Variants in ADCY5 observed in about 807,000 individuals in gnomAD.
ADCY5 encodes the protein adenylate cyclase type 5.
Under a neutral mutation model 119.7 loss-of-function variants are expected in ADCY5, and 30 were observed. The ratio of observed to expected loss-of-function variants is 0.25; its 90% CI spans 0.19 to 0.34. ADCY5 has a LOEUF of 0.34. ADCY5 is among the 10% of genes least tolerant of loss of function. ADCY5 has a pLI of 1.00. For missense variants in ADCY5, 1,324 were observed against 1,775.2 expected (o/e 0.75, Z 4.57); for synonymous variants, 753 against 762.2 (o/e 0.99, Z 0.20).
At chr3:123,372,555 C>T (rs1004295384) in intron 1 of ADCY5, among the ~76,000 whole-genome samples, 11 of 152,166 alleles carry the variant, frequency 7.2e-5, no homozygotes, top group Admixed American at 1.3e-4. Flanking sequence ...GCCCACGACA[C>T]CAGATGCTAT....
Position 123,319,804 on chromosome 3 carries a change from C to T in ADCY5, c.2126G>A (p.Ser709Asn), listed in dbSNP as rs373723924. Residue 709 changes from serine to asparagine, a missense_variant, in exon 10 of 21, where the codon AGT (serine) becomes AAT (asparagine). This residue lies in a region of ADCY5 where 424 missense variants were observed against 546.8 expected (regional missense o/e 0.78). Coordinates refer to ENST00000462833, the MANE Select transcript of ADCY5 (RefSeq NM_183357.3). The part of the protein sequence containing the change: ...EDPKDKNAQE[S>N]ANPEDEVDEF... ...ATCCACTTCATCCTCAGGGTTCGCA[C>T]TCTCCTGGGCGTTCCTGGGGAGCAG... 5 of 1,613,942 alleles carry T rather than the reference C, an allele frequency of 3.1e-6. No individual in the cohort carries two copies. Among genetic ancestry groups the T allele is most frequent in the Non-Finnish European group, 4.2e-6 (5 of 1,179,898 alleles).
At chr3:123,414,245 A>ACACTCATCTC (rs1945132038) in intron 1 of ADCY5, among the ~76,000 whole-genome samples, 1 of 152,092 alleles carries the variant, frequency 6.6e-6, no homozygotes, top group Non-Finnish European at 1.5e-5. Context: ...CAGCCCCTCT[A>ACACTCATCTC]CACTCATCTC....
intron 1 of ADCY5, among the ~76,000 whole-genome samples, chr3:123,436,082 G>A: frequency 6.6e-6 from 1 of 151,260 alleles, no homozygotes; most frequent in Non-Finnish European, 1.5e-5. Context: ...AGTAGAGACG[G>A]GGTTTTACTG....
intron 3 of ADCY5, among the ~76,000 whole-genome samples, chr3:123,347,347 G>A (rs181105186): frequency 1.6e-3 from 245 of 152,306 alleles, no homozygotes; most frequent in African/African-American, 5.6e-3. Context: ...CTGGTGATAA[G>A]GTGGGCAGAG....
At chr3:123,337,006 T>C (rs1254901255) in intron 3 of ADCY5, among the ~76,000 whole-genome samples, 1 of 152,202 alleles carries the variant, frequency 6.6e-6, no homozygotes, top group Admixed American at 6.5e-5. Flanking sequence ...TCAGCTTCCC[T>C]GGTGACTGCA....
chr3:123,290,058 T>G, intron 18 of ADCY5, 104 bp from the exon 19 acceptor site: 1 of 1,136,022 alleles, frequency 8.8e-7, no homozygotes, highest in South Asian at 1.4e-5. Flanking sequence ...TGGCCCTTCA[T>G]GTGTCCGCTC....
intron 1 of ADCY5, among the ~76,000 whole-genome samples, chr3:123,395,228 AGGCCTCCCAAATT>A (rs1376569466): frequency 6.6e-6 from 1 of 152,194 alleles, no homozygotes; most frequent in Non-Finnish European, 1.5e-5. Flanking sequence ...AGGGCCTTCA[AGGCCTCCCAAATT>A]GGTCTCCATG....
chr3:123,349,090 T>C (rs1219842024), intron 2 of ADCY5, among the ~76,000 whole-genome samples: 1 of 152,166 alleles, frequency 6.6e-6, no homozygotes, highest in African/African-American at 2.4e-5. Context: ...CCCACATCCC[T>C]ACCTCCCGTC....
At position 123,332,596 on chromosome 3, in the gene ADCY5, C is replaced by T. The variant is rs1553727887; in HGVS notation, c.1486G>A (p.Glu496Lys). ...AGCTTGTCAAAGCGGGCGAAGAGCT[C>T]GTTGAGGGTCATGACCAGTTCCTGT... Reference protein sequence around the residue: ...TAQELVMTLNELFARFDKLAA... With the variant: ...TAQELVMTLNKLFARFDKLAA... Residue 496 changes from glutamate to lysine, a missense_variant, in exon 4 of 21, where the codon GAG becomes AAG. Transcript: ENST00000462833. 2 of 1,613,692 alleles carry T rather than the reference C, an allele frequency of 1.2e-6. No homozygotes were observed. The highest frequency in any genetic ancestry group is 1.7e-6 in the Non-Finnish European group (2 of 1,179,838).
At chr3:123,422,906 C>T (rs1056586568) in intron 1 of ADCY5, among the ~76,000 whole-genome samples, 14 of 152,300 alleles carry the variant, frequency 9.2e-5, no homozygotes, top group African/African-American at 2.4e-4. Context: ...AGATACCACC[C>T]GATAGGAGCG....
intron 3 of ADCY5, among the ~76,000 whole-genome samples, chr3:123,342,937 G>C (rs1193088586): frequency 6.6e-6 from 1 of 152,176 alleles, no homozygotes. Context: ...TGCGCTGCGC[G>C]GGGCTGGGGA....
intron 1 of ADCY5, among the ~76,000 whole-genome samples, chr3:123,402,856 A>G (rs1368203959): frequency 1.5e-5 from 2 of 134,202 alleles, no homozygotes; most frequent in African/African-American, 5.4e-5. Flanking sequence ...CAGTCTCAGG[A>G]AAAAAAAAAA....
At chr3:123,312,664 T>C (rs1000937932) in intron 12 of ADCY5, among the ~76,000 whole-genome samples, 6 of 152,238 alleles carry the variant, frequency 3.9e-5, no homozygotes, top group Admixed American at 6.5e-5. Flanking sequence ...TGACCTTTTG[T>C]GTCTGGCTTC....
chr3:123,303,893 G>GAAGAGAAGAGAAGAGAAGAGA, intron 13 of ADCY5, among the ~76,000 whole-genome samples, 174 bp downstream of exon 13: 1 of 117,246 alleles, frequency 8.5e-6, no homozygotes, highest in Non-Finnish European at 1.7e-5. Context: ...GAAGAGAAGA[G>GAAGAGAAGAGAAGAGAAGAGA]AAGAAAGAAC....
chr3:123,299,971 A>G (rs1486298522), intron 15 of ADCY5, 149 bp downstream of exon 15: 7 of 848,034 alleles, frequency 8.3e-6, no homozygotes, highest in Middle Eastern at 3.5e-4. Context: ...GGAAAGAAAC[A>G]AGGCCGTTTT....
intron 3 of ADCY5, among the ~76,000 whole-genome samples, chr3:123,344,896 C>T (rs1420960639): frequency 6.6e-6 from 1 of 152,190 alleles, no homozygotes; most frequent in Non-Finnish European, 1.5e-5. Context: ...CTGTCCCTGG[C>T]GATGTCAGAG....
At chr3:123,434,908 C>A (rs1021972314) in intron 1 of ADCY5, among the ~76,000 whole-genome samples, 1 of 152,196 alleles carries the variant, frequency 6.6e-6, no homozygotes, top group Non-Finnish European at 1.5e-5. Flanking sequence ...CTAGGTCTCC[C>A]ACTAATATGT....
At chr3:123,325,242 C>A in intron 8 of ADCY5, 80 bp downstream of exon 8, 1 of 1,528,480 alleles carries the variant, frequency 6.5e-7, no homozygotes, top group Non-Finnish European at 8.9e-7. Context: ...CAACACGAGG[C>A]ATCTGGTGCG....
At position 123,283,941 on chromosome 3, in the gene ADCY5, CTTG is replaced by C. The variant is rs374490987; in HGVS notation, c.*664_*666del. Reference sequence around the variant, plus strand: ...ATAGTCTAAAGAAGGGCACGGAGAACTTGTTTTGTTTTATTTAATAAATATTTT... The same window carrying C: ...ATAGTCTAAAGAAGGGCACGGAGAACTTTTGTTTTATTTAATAAATATTTT... On this transcript the variant is annotated 3_prime_UTR_variant, in exon 21 of 21. Coordinates refer to ENST00000462833, the MANE Select transcript of ADCY5 (RefSeq NM_183357.3). 6 of 152,316 alleles carry C rather than the reference CTTG, an allele frequency of 3.9e-5. No individual in the cohort carries two copies. Among genetic ancestry groups the C allele is most frequent in the African/African-American group, 1.4e-4 (6 of 41,552 alleles). The allele number at this position is 152,316 out of a possible 1,614,324, so 9.4% of individuals were successfully genotyped here. A position where few individuals can be genotyped will look rare whatever the true frequency, so the allele number is the denominator to read the frequency against.
Sources: gnomAD v4.1 joint callset for allele counts (sites outside exome capture counted in the v4.1 genomes callset) on GRCh38, gnomAD v4.1.1 for gene constraint, gnomAD v4.1.1 regional missense constraint, MANE v1.5 for transcripts, NCBI Gene and HGNC (gene_info 2026-07-23, HGNC 2026-07-21) for gene names.